DMD: variants seen among roughly 807,000 people sequenced by gnomAD.
The protein encoded by DMD is dystrophin.
A neutral mutation model predicts 330.1 loss-of-function variants in DMD; 63 were observed. The ratio of observed to expected loss-of-function variants is 0.19; its 90% CI spans 0.16 to 0.24. The LOEUF (loss-of-function observed/expected upper bound fraction) is 0.24, where lower values mean the gene tolerates loss of function less well. DMD is among the 10% of genes least tolerant of loss of function. DMD has a pLI of 1.00. For synonymous variants in DMD, 1,223 were observed against 959.8 expected (o/e 1.27, Z -5.07); for missense variants, 3,344 against 2,684.1 (o/e 1.25, Z -5.43).
At chrX:32,818,710 G>C (rs1343730870) in intron 5 of DMD, among the ~76,000 whole-genome samples, 1 of 111,337 alleles carries the variant, frequency 9.0e-6, no homozygotes, top group Non-Finnish European at 1.9e-5. Flanking sequence ...TCAAGGAAGG[G>C]CTTGTTGCTC....
chrX:33,031,206 G>A (rs2094104971), intron 1 of DMD, among the ~76,000 whole-genome samples: 1 of 109,850 alleles, frequency 9.1e-6, no homozygotes, highest in African/African-American at 3.3e-5. Context: ...GGCTTGGTAA[G>A]CCCATTTGCA....
intron 61 of DMD, among the ~76,000 whole-genome samples, chrX:31,334,661 A>AG (rs2057328491): frequency 8.9e-6 from 1 of 112,416 alleles, no homozygotes; most frequent in Non-Finnish European, 1.9e-5. Flanking sequence ...CTACAGGCAC[A>AG]GTAAGTAACA....
rs576058884 is a variant in DMD at position 31,426,488 on chromosome X, G to A, written c.9084+17993C>T. On this transcript the variant is annotated intron_variant, in intron 60 of 78. Transcript: ENST00000357033. Reference sequence around the variant, plus strand: ...ATATATTATGAAGTCTTAGCTTGGAGAGCCTTTGACTTAAAGTGAGGTTTA... The same window carrying A: ...ATATATTATGAAGTCTTAGCTTGGAAAGCCTTTGACTTAAAGTGAGGTTTA... Among the ~76,000 whole-genome samples, 14 of 112,528 alleles carry A rather than the reference G, an allele frequency of 1.2e-4. 1 individual carries two copies. The highest frequency in any genetic ancestry group is 9.2e-3 in the Middle Eastern group (2 of 218).
intron 1 of DMD, among the ~76,000 whole-genome samples, chrX:33,140,681 T>C (rs1328853582): frequency 8.9e-6 from 1 of 112,360 alleles, no homozygotes; most frequent in Non-Finnish European, 1.9e-5. Context: ...TATGCAATTA[T>C]AGGGATAAAC....
At chrX:31,220,103 C>T (rs745467865) in intron 64 of DMD, among the ~76,000 whole-genome samples, 16 of 111,339 alleles carry the variant, frequency 1.4e-4, no homozygotes, top group Non-Finnish European at 2.6e-4. Flanking sequence ...GTGTACTAGG[C>T]TATACCATCT....
chrX:31,786,025 C>A (rs1306312163), intron 50 of DMD, among the ~76,000 whole-genome samples: 1 of 112,055 alleles, frequency 8.9e-6, no homozygotes, highest in East Asian at 2.8e-4. Context: ...GGAATCGCCA[C>A]ACGGTCTTCC....
rs2093227717 is a variant in DMD at position 32,999,790 on chromosome X, AAACAAAAAC to A, written c.93+20340_93+20348del. On this transcript the variant is annotated intron_variant, in intron 2 of 78. Transcript: ENST00000357033. Reference sequence around the variant, plus strand: ...GACTCCATCTCAAAAACAAAAACAAAAACAAAAACAAAAAACAAAAAAAAAACCGAAAAA... The same window carrying A: ...GACTCCATCTCAAAAACAAAAACAAAAAAAAACAAAAAAAAAACCGAAAAA... Among the ~76,000 whole-genome samples the A allele has an allele frequency of 2.9e-5, 3 of 102,388 alleles. No individual in the cohort carries two copies. In the Admixed American group the frequency reaches 3.3e-4, roughly 11 times the overall value. The allele number at this position is 102,388 out of a possible 115,157, so 88.9% of individuals were successfully genotyped here.
chrX:32,089,832 G>A (rs1407040345), intron 44 of DMD, among the ~76,000 whole-genome samples: 1 of 111,738 alleles, frequency 8.9e-6, no homozygotes, highest in Non-Finnish European at 1.9e-5. Context: ...TGGGTCAAAT[G>A]GTAATTCTTT....
At chrX:32,352,233 CACAG>C (rs2097784072) in intron 37 of DMD, among the ~76,000 whole-genome samples, 1 of 110,637 alleles carries the variant, frequency 9.0e-6, no homozygotes, top group African/African-American at 3.3e-5. Flanking sequence ...ATCCTTTTCA[CACAG>C]ACATTTTCTT....
intron 1 of DMD, among the ~76,000 whole-genome samples, chrX:33,116,170 G>C (rs1010018803): frequency 9.2e-6 from 1 of 108,938 alleles, no homozygotes; most frequent in South Asian, 4.1e-4. Flanking sequence ...TGCAGCCTGC[G>C]AGACAGAGTG....
At chrX:32,241,899 T>C (rs781421314) in intron 43 of DMD, among the ~76,000 whole-genome samples, 3 of 111,172 alleles carry the variant, frequency 2.7e-5, no homozygotes, top group African/African-American at 9.8e-5. Context: ...ATAAGGCATA[T>C]ACCCAATAGA....
At chrX:33,148,346 G>C (rs1270546611) in intron 1 of DMD, among the ~76,000 whole-genome samples, 2 of 112,064 alleles carry the variant, frequency 1.8e-5, no homozygotes, top group African/African-American at 6.5e-5. Flanking sequence ...TATTTCTTAG[G>C]GTTCAAACAG....
chrX:31,147,618 GTAGA>G (rs764595395), intron 74 of DMD, 100 bp from the exon 75 acceptor site: 256 of 619,756 alleles, frequency 4.1e-4, no homozygotes, highest in Non-Finnish European at 5.6e-4. Flanking sequence ...ATATACCATG[GTAGA>G]TAGATGCATC....
chrX:31,743,034 A>G (rs1381057862), intron 51 of DMD, among the ~76,000 whole-genome samples: 1 of 112,196 alleles, frequency 8.9e-6, no homozygotes, highest in African/African-American at 3.2e-5. Context: ...AAAAATGGGC[A>G]AAAGACATAA....
intron 9 of DMD, among the ~76,000 whole-genome samples, chrX:32,659,141 TA>T (rs1340487734): frequency 8.9e-6 from 1 of 112,027 alleles, no homozygotes; most frequent in African/African-American, 3.2e-5. Context: ...TTTTAGGTTG[TA>T]AAAATATTCT....
chrX:32,974,029 G>T (rs1297026324), intron 2 of DMD, among the ~76,000 whole-genome samples: 2 of 111,388 alleles, frequency 1.8e-5, no homozygotes, highest in East Asian at 5.6e-4. Flanking sequence ...GGAAAAAAAA[G>T]CCTTACGAAT....
intron 63 of DMD, among the ~76,000 whole-genome samples, chrX:31,239,217 A>G (rs771018748): frequency 1.5e-4 from 17 of 112,006 alleles, no homozygotes; most frequent in South Asian, 7.5e-4. Context: ...TCTTGTCTCA[A>G]GGTGGGAATG....
At chrX:32,199,781 TG>T (rs1393739058) in intron 44 of DMD, among the ~76,000 whole-genome samples, 3 of 1,726 alleles carry the variant, frequency 1.7e-3, no homozygotes, top group Non-Finnish European at 2.8e-3. Context: ...GCAAGGCTTT[TG>T]TGTGTGTGTG....
intron 44 of DMD, among the ~76,000 whole-genome samples, chrX:32,149,019 C>A (rs1400602326): frequency 4.5e-5 from 5 of 111,700 alleles, no homozygotes; most frequent in Non-Finnish European, 9.4e-5. Context: ...TCTTTTATAC[C>A]ATTTTCTTTA....
Sources: gnomAD v4.1 joint callset for allele counts (sites outside exome capture counted in the v4.1 genomes callset) on GRCh38, gnomAD v4.1.1 for gene constraint, MANE v1.5 for transcripts, NCBI Gene and HGNC (gene_info 2026-07-23, HGNC 2026-07-21) for gene names.